Variants in PLPPR4 observed in about 807,000 individuals in gnomAD.
PLPPR4 encodes phospholipid phosphatase related 4, also known as phospholipid phosphatase-related protein type 4.
In PLPPR4, 24 loss-of-function variants were observed where a neutral mutation model predicts 56.6. The ratio of observed to expected loss-of-function variants is 0.42; its 90% CI spans 0.31 to 0.60. The LOEUF (loss-of-function observed/expected upper bound fraction) is 0.60. Ranked by LOEUF, PLPPR4 falls within the 20% of genes least tolerant of loss-of-function variation. The pLI, the probability that PLPPR4 is intolerant of heterozygous loss-of-function variation, is 0.13. For synonymous variants in PLPPR4, 326 were observed against 328.1 expected (o/e 0.99, Z 0.07); for missense variants, 654 against 885.8 (o/e 0.74, Z 3.32).
Position 99,306,381 on chromosome 1 carries a change from G to T in PLPPR4, c.1519G>T (p.Ala507Ser), listed in dbSNP as rs1309020072. 2.5e-6 allele frequency: 4 copies of T among 1,614,158 alleles called. No individual in the cohort carries two copies. The highest frequency in any genetic ancestry group is 1.3e-5 in the African/African-American group (1 of 75,040). ...STSPKSSSAR[A>S]KWLKAAEKTV... is the part of the protein sequence containing the mutation. ...CTCCCCCAAAAGCAGCTCTGCTCGG[G>T]CCAAGTGGTTAAAAGCTGCTGAAAA... Residue 507 changes from alanine to serine, a missense_variant, in exon 7 of 7, where the codon GCC becomes TCC. Around this residue, in one of 2 missense-constraint regions of PLPPR4, gnomAD observed 468 missense variants for 554.3 expected, o/e 0.84. Transcript: ENST00000370185. This position sits in a 1 kb window ranked among gnomAD's most constrained non-coding sequence, Gnocchi z 4.0.
intron 2 of PLPPR4, among the ~76,000 whole-genome samples, chr1:99,295,652 T>TC (rs1659722470): frequency 6.6e-6 from 1 of 152,230 alleles, no homozygotes; most frequent in African/African-American, 2.4e-5. Context: ...AAAGACTTTT[T>TC]CATGAATAAA....
chr1:99,285,962 G>A (rs712886), intron 1 of PLPPR4, among the ~76,000 whole-genome samples: 22,454 of 152,024 alleles, frequency 0.15, 1,879 homozygotes, highest in African/African-American at 0.22. Context: ...TTGCTCCTTG[G>A]TGACCAAGTC....
chr1:99,276,466 A>G (rs1293854950), intron 1 of PLPPR4, among the ~76,000 whole-genome samples: 1 of 152,138 alleles, frequency 6.6e-6, no homozygotes, highest in Admixed American at 6.6e-5. Flanking sequence ...ACATCATGAA[A>G]ACATAATTAA....
At chr1:99,264,373 G>C (rs944586450), upstream of PLPPR4, 1 of 1,233,092 alleles carries the variant, frequency 8.1e-7, no homozygotes, top group Non-Finnish European at 1.1e-6. Context: ...GCCAGACTAG[G>C]GGAGGAAGAG....
chr1:99,305,734 A>G lies in PLPPR4; in HGVS notation c.872A>G (p.Gln291Arg). 6.2e-7 allele frequency: 1 copy of G among 1,614,016 alleles called. No individual in the cohort carries two copies. Among genetic ancestry groups the G allele is most frequent in the Non-Finnish European group, 8.5e-7 (1 of 1,179,976 alleles). Residue 291 changes from glutamine (Q) to arginine (R), a missense_variant, in exon 7 of 7, where the codon CAG (glutamine) becomes CGG (arginine). Gln to Arg is a conservative substitution (Grantham distance 43, BLOSUM62 1). This residue lies in a region of PLPPR4 where 468 missense variants were observed against 554.3 expected (regional missense o/e 0.84). Coordinates refer to ENST00000370185, the MANE Select transcript of PLPPR4 (RefSeq NM_014839.5). The stretch of plus-strand genomic sequence containing the variant: ...CTGCCCAGTGATGAGAGTATGTTTC[A>G]GCACAGAGACGCCCTCAGGTCTCTG... Reference protein sequence around the residue: ...NFLPSDESMFQHRDALRSLTD... With the variant: ...NFLPSDESMFRHRDALRSLTD...
intron 1 of PLPPR4, among the ~76,000 whole-genome samples, chr1:99,268,452 G>C (rs967577911): frequency 6.6e-6 from 1 of 152,220 alleles, no homozygotes; most frequent in Non-Finnish European, 1.5e-5. Context: ...TGAGGTGTTG[G>C]TGTTCAGCCA....
intron 1 of PLPPR4, among the ~76,000 whole-genome samples, chr1:99,282,197 C>T (rs979770242): frequency 7.2e-5 from 11 of 152,292 alleles, no homozygotes; most frequent in African/African-American, 1.2e-4. Context: ...AATGACACTA[C>T]TGGCCTAATT....
At chr1:99,265,770 T>C (rs1658878910) in intron 1 of PLPPR4, among the ~76,000 whole-genome samples, 1 of 152,244 alleles carries the variant, frequency 6.6e-6, no homozygotes, top group Admixed American at 6.5e-5. Context: ...GTAAGGCTTA[T>C]CTGTCCTGAG....
intron 1 of PLPPR4, among the ~76,000 whole-genome samples, chr1:99,273,119 T>C (rs1465199964): frequency 1.3e-5 from 2 of 152,092 alleles, no homozygotes; most frequent in African/African-American, 4.8e-5. Flanking sequence ...ATGCCAAGGA[T>C]AGAAATACTA....
At chr1:99,295,875 T>C (rs2100804848) in intron 2 of PLPPR4, among the ~76,000 whole-genome samples, 1 of 152,256 alleles carries the variant, frequency 6.6e-6, no homozygotes, top group South Asian at 2.1e-4. Flanking sequence ...AAATGAACAA[T>C]TTCATAAAGC....
chr1:99,272,965 A>C, intron 1 of PLPPR4, among the ~76,000 whole-genome samples: 1 of 152,116 alleles, frequency 6.6e-6, no homozygotes, highest in East Asian at 1.9e-4. Flanking sequence ...TCAGAAGAAA[A>C]AAAAAGGTGA....
At chr1:99,291,093 A>G (rs954410027) in intron 2 of PLPPR4, among the ~76,000 whole-genome samples, 2 of 150,386 alleles carry the variant, frequency 1.3e-5, no homozygotes, top group Admixed American at 1.3e-4. Flanking sequence ...AAACAAATTT[A>G]CCAAAAAAAA....
intron 1 of PLPPR4, among the ~76,000 whole-genome samples, chr1:99,267,426 C>G (rs188353362): frequency 6.6e-6 from 1 of 152,262 alleles, no homozygotes; most frequent in East Asian, 1.9e-4. Context: ...TTGCCAGATA[C>G]TACATGAATA....
chr1:99,288,242 G>A (rs533384344), intron 2 of PLPPR4, 92 bp downstream of exon 2: 29 of 1,100,496 alleles, frequency 2.6e-5, no homozygotes, highest in South Asian at 7.9e-5. Flanking sequence ...CAAACAAAAC[G>A]TGAACTCTAA....
intron 2 of PLPPR4, among the ~76,000 whole-genome samples, chr1:99,293,117 C>T (rs1659663731): frequency 6.6e-6 from 1 of 152,128 alleles, no homozygotes; most frequent in Non-Finnish European, 1.5e-5. Flanking sequence ...TGACACCCGC[C>T]ACGTGGAGTG....
At position 99,305,917 on chromosome 1, in the gene PLPPR4, C is replaced by T; in HGVS notation, c.1055C>T (p.Thr352Ile). 3 of 1,614,110 alleles carry T rather than the reference C, an allele frequency of 1.9e-6. No homozygotes were observed. Among genetic ancestry groups the T allele is most frequent in the Non-Finnish European group, 2.5e-6 (3 of 1,180,012 alleles). The change falls in exon 7 of 7, where the codon ACT becomes ATT. Residue 352 changes from threonine (T) to isoleucine (I), a missense_variant. Physicochemically the swap from Thr to Ile is moderately conservative, Grantham distance 89 (BLOSUM62 -1). Around this residue, in one of 2 missense-constraint regions of PLPPR4, gnomAD observed 468 missense variants for 554.3 expected, o/e 0.84. Transcript: ENST00000370185. ...GCAAATGCTGATGTGGAAATCATTA[C>T]TCCACGGAGCCCCATGGGGAAGGAG... ...KRANADVEII[T>I]PRSPMGKENM...
chr1:99,269,799 G>A (rs1241483811), intron 1 of PLPPR4, among the ~76,000 whole-genome samples: 1 of 152,028 alleles, frequency 6.6e-6, no homozygotes, highest in East Asian at 1.9e-4. Context: ...GTTTGAAATT[G>A]CCTGTTATTC....
At chr1:99,276,375 T>C (rs772159383) in intron 1 of PLPPR4, among the ~76,000 whole-genome samples, 4 of 152,130 alleles carry the variant, frequency 2.6e-5, no homozygotes, top group Non-Finnish European at 5.9e-5. Flanking sequence ...TTGTTAAGCA[T>C]TGAATGTAAT....
rs1465030099 is a variant in PLPPR4 at position 99,306,890 on chromosome 1, C to T, written c.2028C>T (p.Arg676=). The change falls in exon 7 of 7, where the codon CGC becomes CGT. Residue 676 remains arginine, a synonymous_variant. Transcript: ENST00000370185. The surrounding 1 kb of genome is among the most constrained non-coding windows in gnomAD (Gnocchi z 4.0). ...AGACGCTGTCCATTTCTTCTTCCCG[C>T]GACTCCACCCTGCGGAGAAAGGGCA... is the stretch of plus-strand genomic sequence containing the variant. ...GSETLSISSS[R]DSTLRRKGNI... 5.0e-6 allele frequency: 8 copies of T among 1,614,126 alleles called. No individual in the cohort carries two copies. The highest frequency in any genetic ancestry group is 4.5e-5 in the East Asian group (2 of 44,870).
Sources: allele counts gnomAD v4.1 joint callset (sites outside exome capture counted in the v4.1 genomes callset), GRCh38; gene constraint gnomAD v4.1.1; regional missense constraint gnomAD v4.1.1; non-coding constraint Gnocchi (gnomAD v3.1); transcripts MANE v1.5; gene names NCBI Gene and HGNC (gene_info 2026-07-23, HGNC 2026-07-21).